The following CPEB3 variants were observed in gnomAD, a reference collection of about 807,000 sequenced individuals.
CPEB3 encodes cytoplasmic polyadenylation element-binding protein 3.
CPEB3 carries 20 observed loss-of-function variants against 67.2 expected under a neutral mutation model. That is an observed-to-expected ratio of 0.30 (90% CI 0.21 to 0.43). The LOEUF is 0.43. CPEB3 is among the 20% of genes least tolerant of loss of function. CPEB3 has a pLI of 1.00. For synonymous variants in CPEB3, 376 were observed against 393.1 expected, an observed-to-expected ratio of 0.96 and a Z score of 0.51; for missense variants, 746 against 968.6, an observed-to-expected ratio of 0.77 and a Z score of 3.05.
At chr10:92,221,702 G>C (rs1198641999) in intron 2 of CPEB3, among the ~76,000 whole-genome samples, 1 of 152,078 alleles carries the variant, frequency 6.6e-6, no homozygotes, top group Non-Finnish European at 1.5e-5. Flanking sequence ...TGGGGTTAGA[G>C]CTTTTATAAG....
chr10:92,285,524 G>C (rs915917019), intron 1 of CPEB3, among the ~76,000 whole-genome samples: 2 of 152,172 alleles, frequency 1.3e-5, no homozygotes, highest in Non-Finnish European at 2.9e-5. Context: ...GCCCGCCTCG[G>C]CATCCCAAAG....
chr10:92,177,479 A>G (rs1411039878), intron 4 of CPEB3, among the ~76,000 whole-genome samples: 1 of 152,220 alleles, frequency 6.6e-6, no homozygotes, highest in Non-Finnish European at 1.5e-5. Flanking sequence ...GGGTTCCTCC[A>G]TAAAGGCTGG....
chr10:92,183,975 G>T (rs1350030193), intron 3 of CPEB3, among the ~76,000 whole-genome samples: 1 of 152,030 alleles, frequency 6.6e-6, no homozygotes, highest in African/African-American at 2.4e-5. Flanking sequence ...AATGTAAAGG[G>T]GTACCCTTTT....
At chr10:92,146,396 T>TG (rs1373846655) in intron 4 of CPEB3, among the ~76,000 whole-genome samples, 1 of 151,926 alleles carries the variant, frequency 6.6e-6, no homozygotes, top group African/African-American at 2.4e-5. Flanking sequence ...CTCTAACTTT[T>TG]GGGGGAAAAA....
At position 92,081,357 on chromosome 10, in the gene CPEB3, C is replaced by G; in HGVS notation, c.1832G>C (p.Arg611Pro). 6.2e-7 allele frequency: 1 copy of G among 1,614,196 alleles called. No individual in the cohort carries two copies. Among genetic ancestry groups the G allele is most frequent in the South Asian group, 1.1e-5 (1 of 91,088 alleles). ...GTCATTGTGCTGAAGCTGCACAAAACGAGCGCTGATGGCTGCAATGTAACT... is the reference window on the plus strand; with the variant it reads ...GTCATTGTGCTGAAGCTGCACAAAAGGAGCGCTGATGGCTGCAATGTAACT... ...QQSYIAAISA[R>P]FVQLQHNDID... is the part of the protein sequence containing the mutation. The change falls in exon 9 of 10, where the codon CGT (arginine) becomes CCT (proline). Residue 611 changes from arginine (R) to proline (P), a missense_variant. Arg to Pro is a moderately radical substitution (Grantham distance 103). Transcript: ENST00000265997.
chr10:92,230,498 A>G (rs183836013), intron 2 of CPEB3, among the ~76,000 whole-genome samples: 1 of 152,302 alleles, frequency 6.6e-6, no homozygotes, highest in Admixed American at 6.5e-5. Flanking sequence ...TGAGAATTAT[A>G]TAATAGTGCT....
chr10:92,222,646 C>T (rs1222011059), intron 2 of CPEB3, among the ~76,000 whole-genome samples: 1 of 152,140 alleles, frequency 6.6e-6, no homozygotes, highest in Admixed American at 6.6e-5. Context: ...TACTCTGTAT[C>T]TGTAATTCTT....
At chr10:92,104,100 C>A (rs1171492628) in intron 7 of CPEB3, among the ~76,000 whole-genome samples, 1 of 152,164 alleles carries the variant, frequency 6.6e-6, no homozygotes, top group Non-Finnish European at 1.5e-5. Context: ...TGTAAGACTT[C>A]TCAGAACCTT....
At chr10:92,080,004 T>C (rs990276829) in intron 9 of CPEB3, among the ~76,000 whole-genome samples, 63 of 150,404 alleles carry the variant, frequency 4.2e-4, no homozygotes, top group Non-Finnish European at 3.0e-4. Flanking sequence ...ATCGAGACCA[T>C]CCTGGCTAAC....
At chr10:92,165,403 C>CTTTTTTTTTTT (rs34205234) in intron 4 of CPEB3, among the ~76,000 whole-genome samples, 11 of 121,462 alleles carry the variant, frequency 9.1e-5, no homozygotes, top group East Asian at 2.3e-4. Context: ...CTTTTTTCTT[C>CTTTTTTTTTTT]TTTTTTTTTT....
chr10:92,187,719 C>A (rs1457457611), intron 3 of CPEB3, among the ~76,000 whole-genome samples: 1 of 152,170 alleles, frequency 6.6e-6, no homozygotes, highest in African/African-American at 2.4e-5. Context: ...ATAAAGAAGA[C>A]AATAGGGATG....
intron 6 of CPEB3, among the ~76,000 whole-genome samples, chr10:92,117,809 T>G (rs1270257339): frequency 6.6e-6 from 1 of 152,174 alleles, no homozygotes; most frequent in Non-Finnish European, 1.5e-5. Context: ...AACTATCAGG[T>G]ACTAAATGCT....
intron 2 of CPEB3, among the ~76,000 whole-genome samples, chr10:92,201,487 C>T (rs943256301): frequency 1.3e-5 from 2 of 152,154 alleles, no homozygotes; most frequent in Admixed American, 6.5e-5. Flanking sequence ...AAGGTGGTGC[C>T]ACCGCACTCC....
chr10:92,169,045 C>T (rs1590291238), intron 4 of CPEB3, among the ~76,000 whole-genome samples: 1 of 151,658 alleles, frequency 6.6e-6, no homozygotes, highest in Non-Finnish European at 1.5e-5. Flanking sequence ...ATCCACCTGC[C>T]TCAGCCTCCC....
chr10:92,050,630 T>C lies in CPEB3; in HGVS notation c.*1582A>G, dbSNP rs1841867671. On this transcript the variant is annotated 3_prime_UTR_variant, in exon 10 of 10. Coordinates refer to ENST00000265997, the MANE Select transcript of CPEB3 (RefSeq NM_014912.5). ...CGCTAGTGCTAGCAGGCCTTCATTCTACTCAAGCTTAACAGGATAAATCCA... is the reference window on the plus strand; with the variant it reads ...CGCTAGTGCTAGCAGGCCTTCATTCCACTCAAGCTTAACAGGATAAATCCA... The C allele has an allele frequency of 6.6e-6, 1 of 152,352 alleles. No individual in the cohort carries two copies. The highest frequency in any genetic ancestry group is 6.5e-5 in the Admixed American group (1 of 15,280). 9.4% of individuals were successfully genotyped at this position (152,352 alleles called of 1,614,324 possible).
At chr10:92,261,234 T>C (rs1447000046) in intron 1 of CPEB3, among the ~76,000 whole-genome samples, 1 of 152,212 alleles carries the variant, frequency 6.6e-6, no homozygotes, top group Non-Finnish European at 1.5e-5. Context: ...ACCTTTATTA[T>C]CTCACTTGAT....
At chr10:92,253,463 CAAAAA>C (rs370091703) in intron 1 of CPEB3, among the ~76,000 whole-genome samples, 1 of 76,850 alleles carries the variant, frequency 1.3e-5, no homozygotes, top group Non-Finnish European at 2.6e-5. Flanking sequence ...TGTCTCAAAA[CAAAAA>C]AAAAAAAAAA....
rs1179854895 is a variant in CPEB3, at chr10:92,105,769, G to T, written c.1572+5307C>A. On this transcript the variant is annotated intron_variant, in intron 7 of 9. Coordinates refer to ENST00000265997, the MANE Select transcript of CPEB3 (RefSeq NM_014912.5). ...GAGTCCTGCTCTGTCTCCCAGGCTGGAGTGCAGCAGCCCAATATCAGCTCA... is the reference window on the plus strand; with the variant it reads ...GAGTCCTGCTCTGTCTCCCAGGCTGTAGTGCAGCAGCCCAATATCAGCTCA... Among the ~76,000 whole-genome samples, 3 of 147,936 alleles carry T rather than the reference G, an allele frequency of 2.0e-5. No homozygotes were observed. In the East Asian group the frequency reaches 6.0e-4, roughly 29 times the overall value.
In CPEB3 at chr10:92,162,455, A is replaced by G. The variant is rs567395570; in HGVS notation, c.1223-17370T>C. On this transcript the variant is annotated intron_variant, in intron 4 of 9. Transcript: ENST00000265997. The stretch of plus-strand genomic sequence containing the variant: ...TTTGAATAGTTAAAAATGAAACATT[A>G]CAAATATTTTAGATTAGTTCATTGG... Among the ~76,000 whole-genome samples, 13 of 152,306 alleles carry G rather than the reference A, an allele frequency of 8.5e-5. No homozygotes were observed. In the South Asian group the frequency reaches 2.5e-3, roughly 29 times the overall value.
Sources: allele counts gnomAD v4.1 joint callset (sites outside exome capture counted in the v4.1 genomes callset), GRCh38; gene constraint gnomAD v4.1.1; transcripts MANE v1.5; gene names NCBI Gene and HGNC (gene_info 2026-07-23, HGNC 2026-07-21).